The following MAP2 variants were observed in gnomAD, a reference collection of about 807,000 sequenced individuals.
MAP2 encodes the protein microtubule-associated protein 2.
MAP2 carries 14 observed loss-of-function variants against 137.6 expected under a neutral mutation model. That is an observed-to-expected ratio of 0.10 (90% CI 0.07 to 0.16). The LOEUF is 0.16. Ranked by LOEUF, MAP2 falls within the 10% of genes least tolerant of loss-of-function variation. The pLI is 1.00. For missense variants in MAP2, 2,088 were observed against 2,191.5 expected (o/e 0.95, Z 0.94); for synonymous variants, 786 against 782.3 (o/e 1.00, Z -0.08).
intron 1 of MAP2, among the ~76,000 whole-genome samples, chr2:209,502,211 A>T (rs1342352715): frequency 6.6e-6 from 1 of 152,136 alleles, no homozygotes; most frequent in Non-Finnish European, 1.5e-5. Context: ...CATCCTGTAT[A>T]ATTGTGACCT....
intron 2 of MAP2, among the ~76,000 whole-genome samples, chr2:209,571,322 A>C (rs1277359786): frequency 6.6e-6 from 1 of 151,986 alleles, no homozygotes; most frequent in African/African-American, 2.4e-5. Context: ...TCAGGTCAAG[A>C]AGACATTGTA....
chr2:209,617,681 C>G (rs2089951086), intron 3 of MAP2, among the ~76,000 whole-genome samples: 1 of 151,992 alleles, frequency 6.6e-6, no homozygotes, highest in African/African-American at 2.4e-5. Context: ...GATTAGAGCC[C>G]TATCTTTATG....
intron 1 of MAP2, among the ~76,000 whole-genome samples, chr2:209,426,006 A>AT (rs1232432351): frequency 6.6e-6 from 1 of 151,914 alleles, no homozygotes; most frequent in Non-Finnish European, 1.5e-5. Flanking sequence ...GAAAAAAGGC[A>AT]TTTTTCTCAT....
chr2:209,685,703 G>A (rs2056762466), intron 7 of MAP2, among the ~76,000 whole-genome samples: 1 of 152,114 alleles, frequency 6.6e-6, no homozygotes, highest in Non-Finnish European at 1.5e-5. Context: ...GTTGTTTCCT[G>A]ATTAGAGTGA....
intron 5 of MAP2, among the ~76,000 whole-genome samples, chr2:209,660,693 C>T (rs755072833): frequency 1.6e-3 from 232 of 140,616 alleles, no homozygotes; most frequent in Non-Finnish European, 2.4e-3. Context: ...CCGTGCCCGG[C>T]CTGCTGCAAT....
intron 2 of MAP2, among the ~76,000 whole-genome samples, chr2:209,573,680 T>C (rs2074819678): frequency 6.6e-6 from 1 of 152,176 alleles, no homozygotes; most frequent in African/African-American, 2.4e-5. Flanking sequence ...AATTCAGTGG[T>C]TTTTAATATA....
chr2:209,479,041 AAAGT>A (rs1481226738), intron 1 of MAP2, among the ~76,000 whole-genome samples: 1 of 152,222 alleles, frequency 6.6e-6, no homozygotes, highest in African/African-American at 2.4e-5. Flanking sequence ...AACAATGAAT[AAAGT>A]AAATATTCAT....
chr2:209,486,759 T>G (rs1559224070), intron 1 of MAP2, among the ~76,000 whole-genome samples: 1 of 152,218 alleles, frequency 6.6e-6, no homozygotes, highest in Non-Finnish European at 1.5e-5. Flanking sequence ...GTAAGTTGAT[T>G]TAAGCTATTT....
At chr2:209,662,701 A>G (rs1435387958) in intron 5 of MAP2, among the ~76,000 whole-genome samples, 1 of 152,104 alleles carries the variant, frequency 6.6e-6, no homozygotes, top group Non-Finnish European at 1.5e-5. Flanking sequence ...TATTTTTAGC[A>G]AACAGATGAA....
At chr2:209,674,183 G>A (rs2050188897) in intron 5 of MAP2, among the ~76,000 whole-genome samples, 1 of 151,804 alleles carries the variant, frequency 6.6e-6, no homozygotes, top group Non-Finnish European at 1.5e-5. Flanking sequence ...TTTTCAGATG[G>A]TTATAATAAC....
chr2:209,623,071 G>C (rs1249955514), intron 3 of MAP2, among the ~76,000 whole-genome samples: 1 of 151,984 alleles, frequency 6.6e-6, no homozygotes, highest in East Asian at 1.9e-4. Flanking sequence ...ATTTTTTTTA[G>C]TGTTGTTTTT....
chr2:209,428,386 T>TC (rs1056843166), intron 1 of MAP2, among the ~76,000 whole-genome samples: 4 of 151,508 alleles, frequency 2.6e-5, no homozygotes, highest in African/African-American at 9.7e-5. Context: ...AATTTCTTTT[T>TC]TTTTTTTTTT....
At chr2:209,458,925 T>TGTTGG (rs534874396) in intron 1 of MAP2, among the ~76,000 whole-genome samples, 184 of 152,312 alleles carry the variant, frequency 1.2e-3, no homozygotes, top group Non-Finnish European at 2.2e-3. Flanking sequence ...CTTATAGGGC[T>TGTTGG]GTTGGGGAGA....
chr2:209,568,875 C>T (rs550114884), intron 2 of MAP2, among the ~76,000 whole-genome samples: 7 of 151,822 alleles, frequency 4.6e-5, no homozygotes, highest in South Asian at 4.1e-4. Flanking sequence ...AAAAATCTTC[C>T]GCACTAATTC....
intron 2 of MAP2, among the ~76,000 whole-genome samples, chr2:209,519,959 AATGGATC>A (rs751748135): frequency 3.9e-5 from 6 of 152,046 alleles, no homozygotes; most frequent in Non-Finnish European, 7.4e-5. Context: ...TGGAGAGCAG[AATGGATC>A]ATATAAAAAA....
intron 4 of MAP2, among the ~76,000 whole-genome samples, chr2:209,641,357 A>G (rs1367293590): frequency 6.6e-6 from 1 of 152,188 alleles, no homozygotes; most frequent in Non-Finnish European, 1.5e-5. Context: ...TCCAAATTAT[A>G]ATTTTCCTCT....
intron 1 of MAP2, among the ~76,000 whole-genome samples, chr2:209,485,427 T>C (rs1255731449): frequency 6.6e-6 from 1 of 152,206 alleles, no homozygotes; most frequent in Non-Finnish European, 1.5e-5. Flanking sequence ...TACATGTTAT[T>C]ATTGAAAACA....
intron 3 of MAP2, among the ~76,000 whole-genome samples, chr2:209,597,407 C>G (rs932857856): frequency 1.3e-5 from 2 of 152,160 alleles, no homozygotes; most frequent in African/African-American, 2.4e-5. Flanking sequence ...TTCAGTTCCA[C>G]TTTCTAACCA....
At chr2:209,670,185 C>T (rs1468710654) in intron 5 of MAP2, among the ~76,000 whole-genome samples, 2 of 151,872 alleles carry the variant, frequency 1.3e-5, no homozygotes, top group Non-Finnish European at 2.9e-5. Flanking sequence ...TTCTCTTTCT[C>T]AAGTTAAGAT....
Sources: allele counts gnomAD v4.1 joint callset (sites outside exome capture counted in the v4.1 genomes callset), GRCh38; gene constraint gnomAD v4.1.1; transcripts MANE v1.5; gene names NCBI Gene and HGNC (gene_info 2026-07-23, HGNC 2026-07-21).